The following DNAI4 variants were observed in gnomAD, a reference collection of about 807,000 sequenced individuals.
The protein encoded by DNAI4 is WD repeat domain 78.
A neutral mutation model predicts 105.8 loss-of-function variants in DNAI4; 85 were observed. The observed-to-expected ratio is 0.80, with a 90% confidence interval of 0.67 to 0.96. The LOEUF (loss-of-function observed/expected upper bound fraction) is 0.96. Ranked by LOEUF, DNAI4 falls within the 40% of genes least tolerant of loss-of-function variation. DNAI4 has a pLI of 0.00. For synonymous variants in DNAI4, 352 were observed against 331.5 expected, an observed-to-expected ratio of 1.06 and a Z score of -0.67; for missense variants, 1,014 against 1,005.6, an observed-to-expected ratio of 1.01 and a Z score of -0.11.
intron 15 of DNAI4, among the ~76,000 whole-genome samples, chr1:66,825,562 T>C (rs1024351428): frequency 2.6e-5 from 4 of 152,232 alleles, no homozygotes; most frequent in Non-Finnish European, 4.4e-5. Flanking sequence ...CAAGAAGTTT[T>C]CCTAGTCTTC....
intron 8 of DNAI4, among the ~76,000 whole-genome samples, chr1:66,845,215 A>AAAT (rs1557918736): frequency 1.9e-4 from 6 of 31,050 alleles, no homozygotes; most frequent in African/African-American, 5.3e-4. Context: ...AAAAAGAAAA[A>AAAT]TTAAAAAAAA....
At chr1:66,884,732 T>A (rs1398816798) in intron 4 of DNAI4, among the ~76,000 whole-genome samples, 1 of 152,178 alleles carries the variant, frequency 6.6e-6, no homozygotes, top group Non-Finnish European at 1.5e-5. Context: ...GCTGGCCTTG[T>A]AAAATTAGTT....
chr1:66,838,437 G>A lies in DNAI4; in HGVS notation c.1495-641C>T, dbSNP rs975307192. Among the ~76,000 whole-genome samples the A allele has an allele frequency of 2.6e-5, 4 of 152,150 alleles. No individual in the cohort carries two copies. In the South Asian group the frequency reaches 8.3e-4, roughly 32 times the overall value. Reference sequence around the variant, plus strand: ...ACTGAAACTGAATCAGCAGCCCTTGGATCTTAGACTTTCCAGCCTCCAGAT... The same window carrying A: ...ACTGAAACTGAATCAGCAGCCCTTGAATCTTAGACTTTCCAGCCTCCAGAT... On this transcript the variant is annotated intron_variant, in intron 9 of 16. Transcript: ENST00000371026.
At chr1:66,894,929 T>C (rs1388266807) in intron 2 of DNAI4, among the ~76,000 whole-genome samples, 1 of 152,186 alleles carries the variant, frequency 6.6e-6, no homozygotes, top group Non-Finnish European at 1.5e-5. Context: ...GAAAAGTTTC[T>C]GGAAAAAATA....
chr1:66,900,012 T>C (rs1348750646), intron 2 of DNAI4, among the ~76,000 whole-genome samples: 1 of 152,200 alleles, frequency 6.6e-6, no homozygotes, highest in Non-Finnish European at 1.5e-5. Context: ...TTTGCTCTTT[T>C]TCAGGATGAT....
intron 8 of DNAI4, among the ~76,000 whole-genome samples, chr1:66,846,792 A>G (rs1646285186): frequency 6.6e-6 from 1 of 152,180 alleles, no homozygotes; most frequent in Admixed American, 6.5e-5. Context: ...TCCACTTACT[A>G]TTAACCTCAC....
At position 66,835,753 on chromosome 1, in the gene DNAI4, G is replaced by C; in HGVS notation, c.1606C>G (p.Pro536Ala). Residue 536 changes from proline (P) to alanine (A), a missense_variant, in exon 11 of 17, where the codon CCA becomes GCA. Coordinates refer to ENST00000371026, the MANE Select transcript of DNAI4 (RefSeq NM_024763.5). Reference protein sequence around the residue: ...PMWPERIYQSPYGVTAVDFSI... With the variant: ...PMWPERIYQSAYGVTAVDFSI... ...AAATCCACAGCAGTAACTCCATATG[G>C]ACTCTGATAAATACGTTCTGGCCAC... 1.2e-6 allele frequency: 2 copies of C among 1,613,996 alleles called. No homozygotes were observed. Among genetic ancestry groups the C allele is most frequent in the Non-Finnish European group, 8.5e-7 (1 of 1,179,950 alleles).
chr1:66,921,564 A>G (rs1650482625), intron 1 of DNAI4, among the ~76,000 whole-genome samples: 1 of 152,194 alleles, frequency 6.6e-6, no homozygotes, highest in Admixed American at 6.5e-5. Flanking sequence ...ATGTTATGAA[A>G]TTGTCAACAT....
At chr1:66,817,442 A>G (rs1645541003) in intron 16 of DNAI4, among the ~76,000 whole-genome samples, 1 of 152,080 alleles carries the variant, frequency 6.6e-6, no homozygotes. Flanking sequence ...GCATTATGGT[A>G]TGCACCTGTA....
chr1:66,888,476 C>T (rs752530538), intron 4 of DNAI4, among the ~76,000 whole-genome samples: 15 of 152,072 alleles, frequency 9.9e-5, no homozygotes, highest in Non-Finnish European at 8.8e-5. Flanking sequence ...AGGCAGATCA[C>T]GAGGTCAGCA....
intron 3 of DNAI4, 124 bp from the exon 4 acceptor site, chr1:66,891,390 G>T: frequency 1.7e-6 from 1 of 594,606 alleles, no homozygotes; most frequent in Non-Finnish European, 2.9e-6. Flanking sequence ...AAGCAAAATA[G>T]ATACATTAAT....
In DNAI4 at chr1:66,835,650, C is replaced by G. The variant is rs758840066; in HGVS notation, c.1709G>C (p.Ser570Thr). ...TIAIYNVRSN[S>T]NVPVLDSSES... ...CCTACTATCCAGAACTGGAACATTACTGTTGCTCCGTACATTGTAAATTGC... is the reference window on the plus strand; with the variant it reads ...CCTACTATCCAGAACTGGAACATTAGTGTTGCTCCGTACATTGTAAATTGC... Residue 570 changes from serine (S) to threonine (T), a missense_variant, in exon 11 of 17, where the codon AGT becomes ACT. Ser to Thr is a moderately conservative substitution (Grantham distance 58, BLOSUM62 1). Coordinates refer to ENST00000371026, the MANE Select transcript of DNAI4 (RefSeq NM_024763.5). 1 of 1,614,136 alleles carries G rather than the reference C, an allele frequency of 6.2e-7. No individual in the cohort carries two copies. Among genetic ancestry groups the G allele is most frequent in the East Asian group, 2.2e-5 (1 of 44,874 alleles).
chr1:66,847,619 C>A lies in DNAI4; in HGVS notation c.1156G>T (p.Asp386Tyr), dbSNP rs1216264673. 1 of 1,613,678 alleles carries A rather than the reference C, an allele frequency of 6.2e-7. No individual in the cohort carries two copies. Among genetic ancestry groups the A allele is most frequent in the African/African-American group, 1.3e-5 (1 of 75,024 alleles). The stretch of plus-strand genomic sequence containing the variant: ...ATTGCATCTGAGTGGTCTTCCTCAT[C>A]TTCATGGATTTTTGCCAGAATTACA... The part of the protein sequence containing the change: ...ENVILAKIHE[D>Y]EEDHSDAILK... Residue 386 changes from aspartate to tyrosine, a missense_variant, in exon 8 of 17, where the codon GAT becomes TAT. By Grantham distance (160) the Asp-to-Tyr change is radical. Transcript: ENST00000371026.
At chr1:66,917,458 T>C (rs922109421) in intron 1 of DNAI4, among the ~76,000 whole-genome samples, 1 of 152,146 alleles carries the variant, frequency 6.6e-6, no homozygotes, top group Non-Finnish European at 1.5e-5. Flanking sequence ...GACATTAGAA[T>C]AGAGGGGGAA....
intron 6 of DNAI4, among the ~76,000 whole-genome samples, chr1:66,867,098 T>C (rs967855623): frequency 6.6e-6 from 1 of 152,176 alleles, no homozygotes; most frequent in South Asian, 2.1e-4. Context: ...TCTCACAACA[T>C]GTAGGAATTA....
intron 6 of DNAI4, 120 bp from the exon 7 acceptor site, chr1:66,862,422 T>A: frequency 2.7e-6 from 3 of 1,091,006 alleles, no homozygotes; most frequent in Non-Finnish European, 3.9e-6. Context: ...CTGATGCAGT[T>A]GCCCGTGCCA....
Position 66,840,648 on chromosome 1 carries a change from C to A in DNAI4, c.1315G>T (p.Asp439Tyr). ...TCATGTTTTGCACTTTCTAAAACAT[C>A]TTCAGGCTCTTCAGGTTCAGGTTCT... ...LKEPEPEEPE[D>Y]VLESAKHEEV... The change falls in exon 9 of 17, where the codon GAT becomes TAT. Residue 439 changes from aspartate (D) to tyrosine (Y), a missense_variant. Coordinates refer to ENST00000371026, the MANE Select transcript of DNAI4 (RefSeq NM_024763.5). The A allele has an allele frequency of 7.4e-6, 12 of 1,614,126 alleles. No individual in the cohort carries two copies. The highest frequency in any genetic ancestry group is 1.7e-4 in the Middle Eastern group (1 of 6,058).
chr1:66,889,874 T>C (rs975916877), intron 4 of DNAI4, among the ~76,000 whole-genome samples: 1 of 152,244 alleles, frequency 6.6e-6, no homozygotes, highest in Non-Finnish European at 1.5e-5. Context: ...TTTAAAAACC[T>C]GATTCAAAAG....
intron 4 of DNAI4, among the ~76,000 whole-genome samples, chr1:66,879,602 T>G (rs1647025277): frequency 6.6e-6 from 1 of 152,186 alleles, no homozygotes; most frequent in East Asian, 1.9e-4. Context: ...TATGCGAAAT[T>G]GTCAAACTAT....
Sources: gnomAD v4.1 joint callset for allele counts (sites outside exome capture counted in the v4.1 genomes callset) on GRCh38, gnomAD v4.1.1 for gene constraint, MANE v1.5 for transcripts, NCBI Gene and HGNC (gene_info 2026-07-23, HGNC 2026-07-21) for gene names.